The following SOX5 variants were observed in gnomAD, a reference collection of about 807,000 sequenced individuals.
SOX5 encodes transcription factor SOX-5.
In SOX5, 9 loss-of-function variants were observed where a neutral mutation model predicts 92.0. The observed-to-expected ratio is 0.10, with a 90% CI of 0.06 to 0.17. The LOEUF is 0.17. SOX5 is among the 10% of genes least tolerant of loss of function. The pLI is 1.00. For synonymous variants in SOX5, 344 were observed against 336.3 expected (o/e 1.02, Z -0.25); for missense variants, 642 against 944.5 (o/e 0.68, Z 4.20).
chr12:24,347,284 G>A (rs192270240), intron 2 of SOX5, among the ~76,000 whole-genome samples: 4 of 152,266 alleles, frequency 2.6e-5, no homozygotes, highest in East Asian at 1.9e-4. Flanking sequence ...AAGGGAGGAC[G>A]TGCAATACTA....
chr12:23,722,420 ATTC>A (rs1305425441), intron 6 of SOX5, among the ~76,000 whole-genome samples: 1 of 152,134 alleles, frequency 6.6e-6, no homozygotes, highest in Non-Finnish European at 1.5e-5. Context: ...AGTGGATGAC[ATTC>A]TTATTATTCA....
rs368745860 is a variant in SOX5, at chr12:24,471,530, T to C, written c.-251+90799A>G. 1.5e-3 allele frequency among the ~76,000 whole-genome samples: 235 copies of C among 152,322 alleles called. 1 individual carries two copies. Among genetic ancestry groups the C allele is most frequent in the African/African-American group, 5.6e-3 (232 of 41,584 alleles). On this transcript the variant is annotated intron_variant, in intron 1 of 4. Coordinates refer to the SOX5 transcript ENST00000446891. ...AGATGTATGAGATTAAGTTACCTCA[T>C]ACTGACCCATTCTCTTGAAGTTGTT...
intron 6 of SOX5, among the ~76,000 whole-genome samples, chr12:23,699,490 T>C (rs778043041): frequency 6.6e-6 from 1 of 151,780 alleles, no homozygotes; most frequent in Non-Finnish European, 1.5e-5. Context: ...CTTTCAAATA[T>C]TTGTTTATTT....
intron 4 of SOX5, among the ~76,000 whole-genome samples, chr12:24,142,527 T>C (rs1950686138): frequency 6.6e-6 from 1 of 152,114 alleles, no homozygotes; most frequent in South Asian, 2.1e-4. Context: ...ATACTTTACT[T>C]TTTACGTAAA....
intron 1 of SOX5, among the ~76,000 whole-genome samples, chr12:24,452,295 ATATT>A (rs1942426096): frequency 6.6e-6 from 1 of 152,220 alleles, no homozygotes; most frequent in Non-Finnish European, 1.5e-5. Context: ...AATGATTTAC[ATATT>A]TAAAATCGAA....
chr12:23,698,109 C>T (rs560855206), intron 6 of SOX5, among the ~76,000 whole-genome samples: 139 of 152,208 alleles, frequency 9.1e-4, no homozygotes, highest in Middle Eastern at 3.4e-3. Flanking sequence ...GATGTTATAA[C>T]TTTTCATGTA....
At chr12:23,979,719 T>TTTTTG (rs1569370433) in intron 4 of SOX5, among the ~76,000 whole-genome samples, 1 of 116,786 alleles carries the variant, frequency 8.6e-6, no homozygotes, top group Non-Finnish European at 1.8e-5. Context: ...TTTTTTTTTT[T>TTTTTG]TTTTTTTTTT....
chr12:23,930,404 C>T (rs1050905448), intron 1 of SOX5, among the ~76,000 whole-genome samples: 1 of 151,478 alleles, frequency 6.6e-6, no homozygotes, highest in African/African-American at 2.4e-5. Flanking sequence ...CTCAAGTAAA[C>T]CTACAAAAGA....
At chr12:24,162,435 T>C (rs1952861449) in intron 4 of SOX5, among the ~76,000 whole-genome samples, 1 of 152,130 alleles carries the variant, frequency 6.6e-6, no homozygotes, top group South Asian at 2.1e-4. Flanking sequence ...TGTTCAGTTG[T>C]TGAGAACTTT....
chr12:23,601,572 C>T (rs1357030362), intron 9 of SOX5, among the ~76,000 whole-genome samples: 1 of 151,888 alleles, frequency 6.6e-6, no homozygotes, highest in Non-Finnish European at 1.5e-5. Flanking sequence ...ACAGAAAATA[C>T]CCCCAAGACA....
chr12:23,546,189 T>C (rs370867947), intron 12 of SOX5, 127 bp downstream of exon 12: 7 of 625,292 alleles, frequency 1.1e-5, no homozygotes, highest in African/African-American at 1.1e-4. Context: ...CTGCTCAGTA[T>C]ATGTGACCTC....
chr12:24,077,146 A>T (rs1363578553), intron 4 of SOX5, among the ~76,000 whole-genome samples: 2 of 152,168 alleles, frequency 1.3e-5, no homozygotes, highest in African/African-American at 4.8e-5. Context: ...CTATGGCTCC[A>T]ACAATCTGTA....
chr12:23,998,527 A>T (rs1009110871), intron 4 of SOX5, among the ~76,000 whole-genome samples: 1 of 152,106 alleles, frequency 6.6e-6, no homozygotes, highest in Non-Finnish European at 1.5e-5. Flanking sequence ...GCTAAAGGCC[A>T]GGAATGGTGG....
Position 23,563,329 on chromosome 12 carries a change from C to T in SOX5, c.1417G>A (p.Glu473Lys). 6.2e-7 allele frequency: 1 copy of T among 1,614,010 alleles called. No homozygotes were observed. Among genetic ancestry groups the T allele is most frequent in the Non-Finnish European group, 8.5e-7 (1 of 1,179,918 alleles). Reference protein sequence around the residue: ...ARQMKEQLRREQQVLDGKVAV... With the variant: ...ARQMKEQLRRKQQVLDGKVAV... ...ACCTTCCCATCAAGCACCTGTTGTT[C>T]CCGTCGGAGTTGCTCCTTCATTTGC... is the stretch of plus-strand genomic sequence containing the variant. Residue 473 changes from glutamate (E) to lysine (K), a missense_variant, in exon 11 of 15, where the codon GAA (glutamate) becomes AAA (lysine). By Grantham distance (56) the Glu-to-Lys change is moderately conservative. Around this residue, in one of 8 missense-constraint regions of SOX5, gnomAD observed 324 missense variants for 461.6 expected, o/e 0.70. Transcript: ENST00000451604.
chr12:24,404,788 C>T (rs1014798741), intron 1 of SOX5, among the ~76,000 whole-genome samples: 2 of 152,118 alleles, frequency 1.3e-5, no homozygotes, highest in African/African-American at 2.4e-5. Flanking sequence ...CCCTTCCCCC[C>T]AAATTCATAT....
At chr12:24,457,909 C>A (rs1943191482) in intron 1 of SOX5, among the ~76,000 whole-genome samples, 2 of 152,116 alleles carry the variant, frequency 1.3e-5, no homozygotes, top group African/African-American at 4.8e-5. Flanking sequence ...ATGTAAAATA[C>A]TAAGAGTGTT....
chr12:24,505,024 C>T (rs1024202900), intron 1 of SOX5, among the ~76,000 whole-genome samples: 2 of 152,176 alleles, frequency 1.3e-5, no homozygotes, highest in African/African-American at 4.8e-5. Context: ...GACTAAAACA[C>T]CAGATTCTTT....
At chr12:23,598,865 A>G (rs1008535313) in intron 9 of SOX5, among the ~76,000 whole-genome samples, 2 of 152,190 alleles carry the variant, frequency 1.3e-5, no homozygotes, top group Non-Finnish European at 2.9e-5. Flanking sequence ...TCAAATTACC[A>G]AAAATGCTTT....
At chr12:23,839,536 A>G (rs1340350188) in intron 3 of SOX5, among the ~76,000 whole-genome samples, 1 of 152,154 alleles carries the variant, frequency 6.6e-6, no homozygotes, top group African/African-American at 2.4e-5. Flanking sequence ...AGATAAAGAC[A>G]TTACATAAAA....
Sources: allele counts gnomAD v4.1 joint callset (sites outside exome capture counted in the v4.1 genomes callset), GRCh38; gene constraint gnomAD v4.1.1; regional missense constraint gnomAD v4.1.1; transcripts MANE v1.5; gene names NCBI Gene and HGNC (gene_info 2026-07-23, HGNC 2026-07-21).